Variants in TAF4 observed in about 807,000 individuals in gnomAD.
TAF4 encodes TATA-box binding protein associated factor 4.
A neutral mutation model predicts 90.3 loss-of-function variants in TAF4; 9 were observed. The ratio of observed to expected loss-of-function variants is 0.10; its 90% confidence interval spans 0.06 to 0.17. The LOEUF is 0.17. Among genes scored for constraint, TAF4 ranks in the 10% least tolerant of loss-of-function variants. The pLI is 1.00. For missense variants in TAF4, 1,351 were observed against 1,370.7 expected, an observed-to-expected ratio of 0.99 and a Z score of 0.23; for synonymous variants, 818 against 638.9, an observed-to-expected ratio of 1.28 and a Z score of -4.23.
At chr20:62,037,603 T>C (rs985114593) in intron 1 of TAF4, 4 of 153,354 alleles carry the variant, frequency 2.6e-5, no homozygotes, top group African/African-American at 9.7e-5. Flanking sequence ...CCACAGCGCA[T>C]CCTGGGTGCT....
chr20:62,013,052 A>G, intron 2 of TAF4, 118 bp from the exon 3 acceptor site: 1 of 1,400,456 alleles, frequency 7.1e-7, no homozygotes. Flanking sequence ...TCCCAGGCTT[A>G]TCCGTGATCT....
intron 1 of TAF4, among the ~76,000 whole-genome samples, chr20:62,016,169 G>A (rs2055811020): frequency 6.6e-6 from 1 of 152,216 alleles, no homozygotes; most frequent in Non-Finnish European, 1.5e-5. Flanking sequence ...CGTAACGAGG[G>A]AGAGTTCCAC....
chr20:62,039,271 A>G (rs751169589), intron 1 of TAF4, among the ~76,000 whole-genome samples: 17 of 152,136 alleles, frequency 1.1e-4, no homozygotes, highest in Non-Finnish European at 2.4e-4. Flanking sequence ...AGTGGACAGA[A>G]CACATCCCAG....
intron 6 of TAF4, 56 bp downstream of exon 6, chr20:62,007,491 G>T: frequency 6.5e-7 from 1 of 1,547,226 alleles, no homozygotes; most frequent in Non-Finnish European, 8.9e-7. Flanking sequence ...TGGTGCATCT[G>T]CGCCCCACCC....
At chr20:62,013,645 G>A (rs149142564) in intron 2 of TAF4, among the ~76,000 whole-genome samples, 10 of 152,386 alleles carry the variant, frequency 6.6e-5, no homozygotes, top group Non-Finnish European at 1.2e-4. Flanking sequence ...CACGTAGCAG[G>A]AGAAGGATGC....
chr20:62,050,664 C>T (rs550486358), intron 1 of TAF4, among the ~76,000 whole-genome samples: 2 of 152,336 alleles, frequency 1.3e-5, no homozygotes, highest in African/African-American at 4.8e-5. Context: ...GGCTCCGGAA[C>T]AGCAGAGGCC....
chr20:62,065,150 C>A lies in TAF4; in HGVS notation c.661G>T (p.Gly221Trp). 1 of 1,197,408 alleles carries A rather than the reference C, an allele frequency of 8.4e-7. No individual in the cohort carries two copies. Among genetic ancestry groups the A allele is most frequent in the Non-Finnish European group, 1.1e-6 (1 of 942,008 alleles). The allele number at this position is 1,197,408 out of a possible 1,614,324, so 74.2% of individuals were successfully genotyped here. ...GGCAGCGGCAGCAGCGCGGCGGGCC[C>A]GTTGTTGACCAGGCTGACAGCAGGT... ...AAPAVSLVNN[G>W]PAALLPLPKP... The change falls in exon 1 of 15, where the codon GGG becomes TGG. Residue 221 changes from glycine to tryptophan, a missense_variant. By Grantham distance (184) the Gly-to-Trp change is radical (BLOSUM62 -2). This residue lies in a region of TAF4 where 782 missense variants were observed against 536.6 expected (regional missense o/e 1.46). Coordinates refer to ENST00000252996, the MANE Select transcript of TAF4 (RefSeq NM_003185.4).
At chr20:61,999,498 C>A (rs953020378) in intron 11 of TAF4, among the ~76,000 whole-genome samples, 2 of 152,262 alleles carry the variant, frequency 1.3e-5, no homozygotes, top group Non-Finnish European at 2.9e-5. Context: ...CAGGCACCAC[C>A]TCACCCAGTG....
At chr20:62,040,473 G>C (rs561064012) in intron 1 of TAF4, among the ~76,000 whole-genome samples, 9 of 152,358 alleles carry the variant, frequency 5.9e-5, no homozygotes, top group African/African-American at 1.9e-4. Context: ...GCTGGAGCAG[G>C]GGCTCACCCC....
chr20:62,052,312 T>C (rs1271834528), intron 1 of TAF4, among the ~76,000 whole-genome samples: 2 of 152,038 alleles, frequency 1.3e-5, no homozygotes, highest in Non-Finnish European at 2.9e-5. Context: ...TTTCCGCTAT[T>C]GAGCATGGCT....
At chr20:62,060,167 C>T (rs1462037795) in intron 1 of TAF4, among the ~76,000 whole-genome samples, 1 of 152,246 alleles carries the variant, frequency 6.6e-6, no homozygotes, top group Non-Finnish European at 1.5e-5. Flanking sequence ...GCCAGGGTGG[C>T]TCTGCTCTCT....
chr20:61,984,142 C>T (rs1406319327), intron 14 of TAF4, among the ~76,000 whole-genome samples: 1 of 152,178 alleles, frequency 6.6e-6, no homozygotes, highest in African/African-American at 2.4e-5. Context: ...ACTGAGCGAC[C>T]TCATCACTGA....
chr20:61,982,210 G>A (rs369824350), intron 14 of TAF4, among the ~76,000 whole-genome samples: 44 of 1,240 alleles, frequency 0.035, no homozygotes, highest in Middle Eastern at 0.25. Flanking sequence ...CCCGAGAGGA[G>A]ACACCAAACC....
In TAF4 at chr20:62,007,411, G is replaced by A. The variant is rs2055753123; in HGVS notation, c.1974+136C>T. On this transcript the variant is annotated intron_variant, in intron 6 of 14. Transcript: ENST00000252996. Reference sequence around the variant, plus strand: ...TTCTGTCCCCAGGCACTGAGTCCCCGGCCCCACCCCCGTAGGCAGCACAAG... The same window carrying A: ...TTCTGTCCCCAGGCACTGAGTCCCCAGCCCCACCCCCGTAGGCAGCACAAG... 1.1e-5 allele frequency: 8 copies of A among 749,808 alleles called. No homozygotes were observed. In the Admixed American group the frequency reaches 1.1e-4, roughly 10 times the overall value. The allele number at this position is 749,808 out of a possible 1,614,324, so 46.4% of individuals were successfully genotyped here.
At chr20:62,011,056 T>C (rs1600842438) in intron 3 of TAF4, among the ~76,000 whole-genome samples, 1 of 152,040 alleles carries the variant, frequency 6.6e-6, no homozygotes, top group South Asian at 2.1e-4. Context: ...TCTCTCCCGG[T>C]GGGTGCAGCC....
chr20:62,004,361 C>G (rs2055730298), intron 7 of TAF4: 1 of 128,958 alleles, frequency 7.8e-6, no homozygotes, highest in Non-Finnish European at 1.6e-5. Flanking sequence ...AAGTCTCGCT[C>G]TGTCGCCCAG....
At chr20:62,011,077 G>A (rs903572119) in intron 3 of TAF4, among the ~76,000 whole-genome samples, 9 of 152,192 alleles carry the variant, frequency 5.9e-5, no homozygotes, top group South Asian at 2.1e-4. Context: ...CCGCCAGCAC[G>A]TGGGAAGCAA....
At chr20:62,047,777 CT>C (rs750264054) in intron 1 of TAF4, among the ~76,000 whole-genome samples, 5 of 152,258 alleles carry the variant, frequency 3.3e-5, no homozygotes, top group Non-Finnish European at 5.9e-5. Flanking sequence ...AGAGTCGCCC[CT>C]GGCTCCCATC....
At chr20:62,005,348 A>G (rs971946558) in intron 7 of TAF4, 1 of 152,286 alleles carries the variant, frequency 6.6e-6, no homozygotes, top group Non-Finnish European at 1.5e-5. Context: ...GGAGGAGCCC[A>G]GGGAAGCAGA....
Sources: gnomAD v4.1 joint callset for allele counts (sites outside exome capture counted in the v4.1 genomes callset) on GRCh38, gnomAD v4.1.1 for gene constraint, gnomAD v4.1.1 regional missense constraint, MANE v1.5 for transcripts, NCBI Gene and HGNC (gene_info 2026-07-23, HGNC 2026-07-21) for gene names.